The following FSTL5 variants were observed in gnomAD, a reference collection of about 807,000 sequenced individuals.
The protein encoded by FSTL5 is follistatin-related protein 5.
Under a neutral mutation model 89.1 loss-of-function variants are expected in FSTL5, and 62 were observed. The ratio of observed to expected loss-of-function variants is 0.70; its 90% CI spans 0.57 to 0.86. The LOEUF (loss-of-function observed/expected upper bound fraction) is 0.86. FSTL5 is among the 40% of genes least tolerant of loss of function. FSTL5 has a pLI of 0.00. For synonymous variants in FSTL5, 383 were observed against 346.2 expected, an observed-to-expected ratio of 1.11 and a Z score of -1.18; for missense variants, 1,057 against 1,001.6, an observed-to-expected ratio of 1.06 and a Z score of -0.75.
At chr4:162,082,512 A>T (rs1579012498) in intron 2 of FSTL5, among the ~76,000 whole-genome samples, 1 of 136,966 alleles carries the variant, frequency 7.3e-6, no homozygotes, top group East Asian at 2.1e-4. Context: ...TCTTTGTTCA[A>T]TTTGAGGATA....
chr4:161,703,250 G>A (rs541601386), intron 6 of FSTL5, among the ~76,000 whole-genome samples: 1 of 152,150 alleles, frequency 6.6e-6, no homozygotes, highest in South Asian at 2.1e-4. Context: ...TAGCAAACTT[G>A]CAGTACTTGA....
chr4:161,708,250 C>T (rs563209465), intron 6 of FSTL5, among the ~76,000 whole-genome samples: 1 of 152,020 alleles, frequency 6.6e-6, no homozygotes, highest in Admixed American at 6.6e-5. Context: ...AACTACAGAT[C>T]TCTTTACTTT....
chr4:161,949,915 TG>T (rs1336099375), intron 3 of FSTL5, among the ~76,000 whole-genome samples: 1 of 152,114 alleles, frequency 6.6e-6, no homozygotes, highest in African/African-American at 2.4e-5. Context: ...ATTCTCCATC[TG>T]GTAAATCTAA....
chr4:162,028,058 T>A (rs774516724), intron 3 of FSTL5, among the ~76,000 whole-genome samples: 3 of 152,204 alleles, frequency 2.0e-5, no homozygotes, highest in Non-Finnish European at 4.4e-5. Context: ...ACTTGTCTGA[T>A]GTTTATTCAG....
intron 10 of FSTL5, among the ~76,000 whole-genome samples, chr4:161,511,358 C>T (rs1049602875): frequency 2.0e-5 from 3 of 152,076 alleles, no homozygotes; most frequent in Non-Finnish European, 2.9e-5. Context: ...TCAGCATCTG[C>T]TATATTTCTT....
At chr4:161,900,710 A>ATTGCCAAGG (rs1400360560) in intron 4 of FSTL5, among the ~76,000 whole-genome samples, 2 of 151,532 alleles carry the variant, frequency 1.3e-5, no homozygotes, top group African/African-American at 4.8e-5. Flanking sequence ...ACCTAAAGTC[A>ATTGCCAAGG]TTGCCAAGGT....
At chr4:162,094,844 A>G (rs1730686523) in intron 2 of FSTL5, among the ~76,000 whole-genome samples, 1 of 152,190 alleles carries the variant, frequency 6.6e-6, no homozygotes, top group Non-Finnish European at 1.5e-5. Context: ...TATGGATTGA[A>G]GTATACAATG....
chr4:161,905,726 A>C (rs1318932325), intron 4 of FSTL5, among the ~76,000 whole-genome samples: 1 of 152,146 alleles, frequency 6.6e-6, no homozygotes, highest in African/African-American at 2.4e-5. Context: ...TTCCAAGTGC[A>C]ACTAAGCAGA....
chr4:161,621,236 CT>C (rs1735109358), intron 7 of FSTL5, among the ~76,000 whole-genome samples: 1 of 150,396 alleles, frequency 6.6e-6, no homozygotes, highest in Admixed American at 6.6e-5. Flanking sequence ...TGAAAAGTCT[CT>C]AAATAGTAGG....
chr4:162,082,617 A>G (rs1440322740), intron 2 of FSTL5, among the ~76,000 whole-genome samples: 1 of 150,836 alleles, frequency 6.6e-6, no homozygotes, highest in Non-Finnish European at 1.5e-5. Context: ...CACAGCATTC[A>G]CTAGGCCCAA....
intron 3 of FSTL5, among the ~76,000 whole-genome samples, chr4:161,974,972 C>T (rs537680478): frequency 1.3e-3 from 183 of 143,206 alleles, no homozygotes; most frequent in African/African-American, 4.6e-3. Context: ...CAAAAGAAGA[C>T]ATTTATGCAG....
At chr4:161,608,931 A>G (rs1197538059) in intron 7 of FSTL5, among the ~76,000 whole-genome samples, 7 of 152,052 alleles carry the variant, frequency 4.6e-5, no homozygotes, top group African/African-American at 1.7e-4. Context: ...ATTCCAGAAT[A>G]TCTTCTATGT....
chr4:161,985,618 C>T (rs548269880), intron 3 of FSTL5, among the ~76,000 whole-genome samples: 2 of 151,870 alleles, frequency 1.3e-5, no homozygotes, highest in South Asian at 2.1e-4. Flanking sequence ...TATCCATGCA[C>T]TTATATGAAT....
At chr4:161,731,293 C>G (rs1401561531) in intron 6 of FSTL5, among the ~76,000 whole-genome samples, 1 of 152,102 alleles carries the variant, frequency 6.6e-6, no homozygotes, top group East Asian at 1.9e-4. Context: ...CCTTCCCAGA[C>G]AAACACTGAT....
intron 15 of FSTL5, among the ~76,000 whole-genome samples, chr4:161,431,316 T>TA (rs951412408): frequency 1.3e-5 from 2 of 152,064 alleles, no homozygotes; most frequent in African/African-American, 4.8e-5. Context: ...AAAGCAAAGT[T>TA]AAAATGTAAG....
At chr4:161,795,894 G>T (rs1203702817) in intron 4 of FSTL5, among the ~76,000 whole-genome samples, 1 of 151,812 alleles carries the variant, frequency 6.6e-6, no homozygotes, top group Non-Finnish European at 1.5e-5. Flanking sequence ...CAGCTTTGTT[G>T]TTCTTTATCA....
At chr4:161,612,074 A>C (rs1038760738) in intron 7 of FSTL5, among the ~76,000 whole-genome samples, 1 of 152,250 alleles carries the variant, frequency 6.6e-6, no homozygotes, top group African/African-American at 2.4e-5. Flanking sequence ...CAAGAGAGAA[A>C]AGAGTTTCTT....
intron 13 of FSTL5, among the ~76,000 whole-genome samples, chr4:161,465,808 A>G (rs1287588101): frequency 6.6e-6 from 1 of 152,220 alleles, no homozygotes; most frequent in East Asian, 1.9e-4. Context: ...AATAATCATT[A>G]AAAGAAAAGT....
chr4:161,948,374 C>A (rs1734795048), intron 3 of FSTL5, among the ~76,000 whole-genome samples: 1 of 149,684 alleles, frequency 6.7e-6, no homozygotes, highest in East Asian at 2.0e-4. Flanking sequence ...TTTAATAATA[C>A]TTATAGTGCA....
Sources: allele counts gnomAD v4.1 joint callset (sites outside exome capture counted in the v4.1 genomes callset), GRCh38; gene constraint gnomAD v4.1.1; transcripts MANE v1.5; gene names NCBI Gene and HGNC (gene_info 2026-07-23, HGNC 2026-07-21).